The following PPP6R2 variants were observed in gnomAD, a reference collection of about 807,000 sequenced individuals.
PPP6R2 encodes protein phosphatase 6 regulatory subunit 2, also known as serine/threonine-protein phosphatase 6 regulatory subunit 2.
In PPP6R2, 62 loss-of-function variants were observed where a neutral mutation model predicts 100.2. That is an observed-to-expected ratio of 0.62 (90% CI 0.50 to 0.76). The LOEUF (loss-of-function observed/expected upper bound fraction) is 0.76, where lower values mean the gene tolerates loss of function less well. Ranked by LOEUF, PPP6R2 falls within the 30% of genes least tolerant of loss-of-function variation. PPP6R2 has a pLI of 0.00. For synonymous variants in PPP6R2, 525 were observed against 514.7 expected (o/e 1.02, Z -0.27); for missense variants, 1,142 against 1,276.3 (o/e 0.89, Z 1.60).
At chr22:50,361,641 A>G (rs1602310624) in intron 1 of PPP6R2, among the ~76,000 whole-genome samples, 1 of 151,402 alleles carries the variant, frequency 6.6e-6, no homozygotes, top group African/African-American at 2.4e-5. Context: ...TTTTCCTTCA[A>G]CAGTCTCAGC....
At chr22:50,427,621 C>T (rs536525973) in intron 10 of PPP6R2, among the ~76,000 whole-genome samples, 7 of 152,308 alleles carry the variant, frequency 4.6e-5, no homozygotes, top group East Asian at 1.9e-4. Flanking sequence ...GGCGCAATCT[C>T]GGCTCACCGC....
intron 1 of PPP6R2, among the ~76,000 whole-genome samples, chr22:50,368,316 G>T (rs971712874): frequency 2.0e-5 from 3 of 152,048 alleles, no homozygotes; most frequent in Admixed American, 2.0e-4. Flanking sequence ...CCCTTTCCCA[G>T]TCTGCTAAGT....
At chr22:50,389,100 A>G (rs1309791269) in intron 2 of PPP6R2, 1 of 152,198 alleles carries the variant, frequency 6.6e-6, no homozygotes, top group Non-Finnish European at 1.5e-5. Context: ...AGTTCCTTTC[A>G]TTTAGCCTTG....
chr22:50,402,250 T>C (rs891074528), intron 3 of PPP6R2, among the ~76,000 whole-genome samples: 4 of 152,078 alleles, frequency 2.6e-5, no homozygotes, highest in South Asian at 2.1e-4. Context: ...AAAGAATCCT[T>C]CTAGCTCTCC....
At chr22:50,358,116 T>A (rs28727897) in intron 1 of PPP6R2, among the ~76,000 whole-genome samples, 16,001 of 145,912 alleles carry the variant, frequency 0.11, 945 homozygotes, top group East Asian at 0.2. Flanking sequence ...CTGGATAATT[T>A]AAAAAAAAAA....
intron 4 of PPP6R2, among the ~76,000 whole-genome samples, chr22:50,413,037 C>T (rs1350523946): frequency 6.7e-6 from 1 of 149,898 alleles, no homozygotes; most frequent in East Asian, 2.0e-4. Context: ...CTTGGCTTAC[C>T]GCAATCTCCG....
At chr22:50,375,482 G>A (rs1372081094) in intron 2 of PPP6R2, among the ~76,000 whole-genome samples, 1 of 152,122 alleles carries the variant, frequency 6.6e-6, no homozygotes, top group Non-Finnish European at 1.5e-5. Flanking sequence ...AAGGTAAATA[G>A]CCTAAAGGAG....
intron 2 of PPP6R2, among the ~76,000 whole-genome samples, chr22:50,373,490 G>A (rs56929421): frequency 0.045 from 6,808 of 151,698 alleles, 500 homozygotes; most frequent in African/African-American, 0.16. Context: ...TGATCCGCCC[G>A]CCTCGGCCTC....
chr22:50,364,783 C>T (rs2048412446), intron 1 of PPP6R2, among the ~76,000 whole-genome samples: 1 of 152,016 alleles, frequency 6.6e-6, no homozygotes, highest in African/African-American at 2.4e-5. Flanking sequence ...AGTTTTGGTA[C>T]GGTTATGGAA....
intron 10 of PPP6R2, among the ~76,000 whole-genome samples, chr22:50,427,241 C>G (rs536823456): frequency 6.6e-6 from 1 of 151,008 alleles, no homozygotes; most frequent in East Asian, 1.9e-4. Context: ...TTTCTGGACT[C>G]TCTGTTCTGT....
intron 14 of PPP6R2, 119 bp from the exon 15 acceptor site, chr22:50,436,869 G>A (rs2064406435): frequency 3.7e-6 from 3 of 801,034 alleles, no homozygotes; most frequent in Non-Finnish European, 6.3e-6. Flanking sequence ...GATCTGATGA[G>A]TGATGTGCTG....
chr22:50,443,783 T>C (rs1603428526), intron 22 of PPP6R2, 83 bp from the exon 23 acceptor site: 1 of 1,480,040 alleles, frequency 6.8e-7, no homozygotes, highest in South Asian at 1.3e-5. Context: ...CTGGACCTTT[T>C]TGTCCAGCTG....
rs780115416 is a variant in PPP6R2, at chr22:50,423,470, G to C, written c.981G>C (p.Ala327=). 1.9e-6 allele frequency: 3 copies of C among 1,614,080 alleles called. No homozygotes were observed. The highest frequency in any genetic ancestry group is 2.5e-6 in the Non-Finnish European group (3 of 1,180,042). ...GCCTTCTGTGTTTGCAGAAGAAAGCGATCCTGACCACCATTGGTGTGCTGG... is the reference window on the plus strand; with the variant it reads ...GCCTTCTGTGTTTGCAGAAGAAAGCCATCCTGACCACCATTGGTGTGCTGG... ...QLLLNPPKKK[A]ILTTIGVLEE... is the part of the protein sequence containing the mutation. Residue 327 remains alanine, a synonymous_variant, in exon 10 of 24, where the codon GCG becomes GCC. Coordinates refer to ENST00000612753, the MANE Select transcript of PPP6R2 (RefSeq NM_001242898.2). The surrounding 1 kb of genome is among the most constrained non-coding windows in gnomAD (Gnocchi z 4.8).
chr22:50,405,754 G>C (rs2058793087), intron 3 of PPP6R2, among the ~76,000 whole-genome samples: 1 of 134,092 alleles, frequency 7.5e-6, no homozygotes, highest in Non-Finnish European at 1.6e-5. Flanking sequence ...TGGCAGGTGA[G>C]TGTGAAGGCC....
At chr22:50,420,855 C>A (rs2061238357) in intron 8 of PPP6R2, among the ~76,000 whole-genome samples, 1 of 152,256 alleles carries the variant, frequency 6.6e-6, no homozygotes, top group African/African-American at 2.4e-5. Flanking sequence ...CACATGCCGG[C>A]AGGAACCTGA....
chr22:50,363,249 C>T (rs976733273), intron 1 of PPP6R2, among the ~76,000 whole-genome samples: 7 of 152,142 alleles, frequency 4.6e-5, no homozygotes, highest in Non-Finnish European at 8.8e-5. Context: ...CTGTCTTTTC[C>T]GCCAGCTTCC....
chr22:50,425,974 A>T (rs1412266986), intron 10 of PPP6R2, among the ~76,000 whole-genome samples: 3 of 148,652 alleles, frequency 2.0e-5, no homozygotes, highest in Admixed American at 6.7e-5. Context: ...TTATCTTTTT[A>T]CATAAAAAAT....
Position 50,343,388 on chromosome 22 carries a change from C to G in PPP6R2, c.-310C>G, listed in dbSNP as rs1221399897. The G allele has an allele frequency of 6.6e-6, 1 of 151,084 alleles. No individual in the cohort carries two copies. The highest frequency in any genetic ancestry group is 2.4e-5 in the African/African-American group (1 of 41,274). The allele number at this position is 151,084 out of a possible 1,614,324, so 9.4% of individuals were successfully genotyped here. A position where few individuals can be genotyped will look rare whatever the true frequency, so the allele number is the denominator to read the frequency against. On this transcript the variant is annotated 5_prime_UTR_variant, in exon 1 of 24. Coordinates refer to ENST00000612753, the MANE Select transcript of PPP6R2 (RefSeq NM_001242898.2). ...CCCCGAGTCGGTCTCGAGCCGCCGG[C>G]CGGCCGTGCCGGTGTCCGTAGGCGC... is the stretch of plus-strand genomic sequence containing the variant.
At chr22:50,354,843 T>C (rs1263488802) in intron 1 of PPP6R2, among the ~76,000 whole-genome samples, 7 of 150,640 alleles carry the variant, frequency 4.6e-5, no homozygotes, top group Non-Finnish European at 1.0e-4. Context: ...CAATTAGTTG[T>C]AAAAGCTGCT....
Sources: gnomAD v4.1 joint callset for allele counts (sites outside exome capture counted in the v4.1 genomes callset) on GRCh38, gnomAD v4.1.1 for gene constraint, Gnocchi (gnomAD v3.1) non-coding constraint, MANE v1.5 for transcripts, NCBI Gene and HGNC (gene_info 2026-07-23, HGNC 2026-07-21) for gene names.